The following JAKMIP3 variants were observed in gnomAD, a reference collection of about 807,000 sequenced individuals.
JAKMIP3 encodes the protein janus kinase and microtubule-interacting protein 3.
In JAKMIP3, 58 loss-of-function variants were observed where a neutral mutation model predicts 118.5. The ratio of observed to expected loss-of-function variants is 0.49; its 90% CI spans 0.40 to 0.61. The LOEUF (loss-of-function observed/expected upper bound fraction) is 0.61, where lower values mean the gene tolerates loss of function less well. Ranked by LOEUF, JAKMIP3 falls within the 20% of genes least tolerant of loss-of-function variation. JAKMIP3 has a pLI of 0.00. For missense variants in JAKMIP3, 950 were observed against 1,109.0 expected (o/e 0.86, Z 2.04); for synonymous variants, 486 against 451.2 (o/e 1.08, Z -0.98).
rs182908238 is a variant in JAKMIP3 at position 132,085,673 on chromosome 10, G to A, written c.-137-18999G>A. On this transcript the variant is annotated intron_variant, in intron 1 of 23. Coordinates refer to ENST00000684848, the MANE Select transcript of JAKMIP3 (RefSeq NM_001323087.2). ...ATGCCACCATGCCTGGCTAATTTTT[G>A]TATTTTTAGTAGAGATGGGGTTTCA... Among the ~76,000 whole-genome samples, 219 of 152,022 alleles carry A rather than the reference G, an allele frequency of 1.4e-3. 1 individual carries two copies. Among genetic ancestry groups the A allele is most frequent in the African/African-American group, 4.9e-3 (204 of 41,456 alleles).
chr10:132,044,995 G>T lies in JAKMIP3; in HGVS notation c.-138+8257G>T, dbSNP rs1030883036. Among the ~76,000 whole-genome samples the T allele has an allele frequency of 6.6e-6, 1 of 152,108 alleles. No homozygotes were observed. The highest frequency in any genetic ancestry group is 1.5e-5 in the Non-Finnish European group (1 of 68,024). ...GCGTTTTGCTGACTCATCATCCGCG[G>T]GTGGACACTGGGGGGCTCCATGTTT... On this transcript the variant is annotated intron_variant, in intron 1 of 23. Transcript: ENST00000657785. The surrounding 1 kb of genome is among the most constrained non-coding windows in gnomAD (Gnocchi z 5.3).
rs911813255 is a variant in JAKMIP3, at chr10:132,140,375, AGCGGGAGGAGGCG to A, written c.1345-60_1345-48del. 279 of 1,580,394 alleles carry A rather than the reference AGCGGGAGGAGGCG, an allele frequency of 1.8e-4. 1 individual carries two copies. The Admixed American group carries it at 3.2e-3, about 18-fold the overall frequency. On this transcript the variant is annotated intron_variant, in intron 9 of 23. Transcript: ENST00000684848. ...GGGGCTGCGGCCCCCACCGTTGGGCAGCGGGAGGAGGCGGCGGGAGGAGGCGGCTGTGCCTGGG... is the reference window on the plus strand; with the variant it reads ...GGGGCTGCGGCCCCCACCGTTGGGCAGCGGGAGGAGGCGGCTGTGCCTGGG...
At chr10:132,047,584 A>T (rs1156887731) in intron 1 of JAKMIP3, among the ~76,000 whole-genome samples, 1 of 152,208 alleles carries the variant, frequency 6.6e-6, no homozygotes, top group East Asian at 1.9e-4. Context: ...CACCTGTCCT[A>T]ATCCCACAGG....
intron 13 of JAKMIP3, among the ~76,000 whole-genome samples, chr10:132,147,654 C>T (rs571276511): frequency 3.9e-5 from 6 of 152,344 alleles, no homozygotes; most frequent in Non-Finnish European, 8.8e-5. Flanking sequence ...TTGACGGCCT[C>T]CCTTCCACAT....
At chr10:132,164,973 A>T (rs1418290045) in intron 21 of JAKMIP3, among the ~76,000 whole-genome samples, 1 of 152,188 alleles carries the variant, frequency 6.6e-6, no homozygotes, top group African/African-American at 2.4e-5. Flanking sequence ...GGGTCTAGGA[A>T]TGCCCCTGCC....
At position 132,184,287 on chromosome 10, in the gene JAKMIP3, A is replaced by G. The variant is rs1436828542; in HGVS notation, c.*3034A>G. On this transcript the variant is annotated 3_prime_UTR_variant, in exon 24 of 24. Coordinates refer to ENST00000684848, the MANE Select transcript of JAKMIP3 (RefSeq NM_001323087.2). ...TTGCAGAATCTGTAGCCTTCAGGAT[A>G]CCCCGAGTGCCTTACAGGGCTTGTG... 6.6e-6 allele frequency: 1 copy of G among 152,116 alleles called. No individual in the cohort carries two copies. The highest frequency in any genetic ancestry group is 2.4e-5 in the African/African-American group (1 of 41,418). The allele number at this position is 152,116 out of a possible 1,614,324, so 9.4% of individuals were successfully genotyped here. A position where few individuals can be genotyped will look rare whatever the true frequency, so the allele number is the denominator to read the frequency against.
intron 17 of JAKMIP3, among the ~76,000 whole-genome samples, chr10:132,153,257 G>A (rs925317968): frequency 2.0e-5 from 3 of 152,178 alleles, no homozygotes; most frequent in South Asian, 2.1e-4. Context: ...CCCTGTCTGC[G>A]TTTCCTCCCA....
Position 132,048,662 on chromosome 10 carries a change from C to CTTTTT in JAKMIP3, c.-138+11928_-138+11929insTTTTT, listed in dbSNP as rs1366816957. ...TCAGAAATTCCAGGCTTGACTGTTT[C>CTTTTT]TTTTCTTTTTTTTTTTTTTTGAGAT... On this transcript the variant is annotated intron_variant, in intron 1 of 23. Transcript: ENST00000657785. 7.7e-3 allele frequency among the ~76,000 whole-genome samples: 765 copies of CTTTTT among 99,198 alleles called. 3 individuals are homozygous for CTTTTT. The highest frequency in any genetic ancestry group is 0.019 in the South Asian group (47 of 2,424). 65.1% of individuals were successfully genotyped at this position (99,198 alleles called of 152,430 possible). A position where few individuals can be genotyped will look rare whatever the true frequency, so the allele number is the denominator to read the frequency against.
At chr10:132,077,905 A>G (rs7083540) in intron 1 of JAKMIP3, among the ~76,000 whole-genome samples, 23,705 of 152,062 alleles carry the variant, frequency 0.16, 2,140 homozygotes, top group East Asian at 0.3. Flanking sequence ...TCCACCTCCC[A>G]GGTTCAGGAG....
At chr10:132,166,416 G>T (rs2058907557) in intron 21 of JAKMIP3, among the ~76,000 whole-genome samples, 1 of 151,988 alleles carries the variant, frequency 6.6e-6, no homozygotes, top group Admixed American at 6.5e-5. Flanking sequence ...ATTTTCTCTC[G>T]TGTCCAGATG....
chr10:132,066,241 T>G (rs1483025389), intron 1 of JAKMIP3, among the ~76,000 whole-genome samples, 180 bp downstream of exon 1: 1 of 152,216 alleles, frequency 6.6e-6, no homozygotes, highest in East Asian at 1.9e-4. Flanking sequence ...AGGAAGATGC[T>G]TCATTTATCC....
intron 1 of JAKMIP3, among the ~76,000 whole-genome samples, chr10:132,055,179 C>A (rs1231266605): frequency 3.9e-5 from 6 of 152,192 alleles, no homozygotes; most frequent in Admixed American, 6.5e-5. Context: ...ACAGCAGATT[C>A]TTTCCTCAAC....
Position 132,157,609 on chromosome 10 carries a change from C to T in JAKMIP3, c.2220+3619C>T, listed in dbSNP as rs574228639. 5.9e-5 allele frequency among the ~76,000 whole-genome samples: 9 copies of T among 152,276 alleles called. No homozygotes were observed. The South Asian group carries it at 1.7e-3, about 28-fold the overall frequency. Reference sequence around the variant, plus strand: ...AAACTTCCACTGCATGATATGCAGCCGCCTGGTGCAGTCCTAGCAGGCATG... The same window carrying T: ...AAACTTCCACTGCATGATATGCAGCTGCCTGGTGCAGTCCTAGCAGGCATG... On this transcript the variant is annotated intron_variant, in intron 19 of 23. Coordinates refer to ENST00000684848, the MANE Select transcript of JAKMIP3 (RefSeq NM_001323087.2).
intron 1 of JAKMIP3, among the ~76,000 whole-genome samples, chr10:132,096,469 G>T (rs994720509): frequency 6.6e-6 from 1 of 152,184 alleles, no homozygotes; most frequent in Non-Finnish European, 1.5e-5. Context: ...TTAACACGGG[G>T]TGGTGGTTAC....
In JAKMIP3 at chr10:132,137,894, A is replaced by T. The variant is rs78296268; in HGVS notation, c.1285-225A>T. 5.7e-4 allele frequency among the ~76,000 whole-genome samples: 87 copies of T among 152,288 alleles called. 1 individual carries two copies. The East Asian group carries it at 0.016, about 27-fold the overall frequency. On this transcript the variant is annotated intron_variant, in intron 8 of 23. Transcript: ENST00000684848. ...AGCTGGTAGACCATTGAGCAAGACA[A>T]GCTCAGAGCCCACCTAATTGGGGAG...
intron 1 of JAKMIP3, among the ~76,000 whole-genome samples, chr10:132,077,277 G>A (rs9419180): frequency 0.019 from 2,837 of 152,258 alleles, 84 homozygotes; most frequent in African/African-American, 0.064. Flanking sequence ...GGCTTTGTCC[G>A]AAAGAGGGTT....
chr10:132,152,095 A>G (rs1005578969), intron 16 of JAKMIP3, among the ~76,000 whole-genome samples: 7 of 152,160 alleles, frequency 4.6e-5, no homozygotes, highest in Non-Finnish European at 1.0e-4. Context: ...GGCAGGAGAG[A>G]TGAGGGCACC....
intron 1 of JAKMIP3, among the ~76,000 whole-genome samples, chr10:132,082,852 G>A (rs1167295248): frequency 3.3e-5 from 5 of 152,284 alleles, no homozygotes; most frequent in African/African-American, 9.6e-5. Context: ...CTCGTGATCC[G>A]CCCGCCTTGG....
rs1340902682 is a variant in JAKMIP3 at position 132,180,676 on chromosome 10, CGCGCGCGTGT to C, written c.*1104-1679_*1104-1670del. Among the ~76,000 whole-genome samples, 22 of 4,574 alleles carry C rather than the reference CGCGCGCGTGT, an allele frequency of 4.8e-3. 5 individuals carry two copies. The highest frequency in any genetic ancestry group is 0.016 in the South Asian group (3 of 186). The allele number at this position is 4,574 out of a possible 152,430, so 3.0% of individuals were successfully genotyped here. Reference sequence around the variant, plus strand: ...GCGTGTGCGTGTGTGCGTGTGTGTGCGCGCGCGTGTGTGTGCGTGCGTGTGTGTGTGCGCG... The same window carrying C: ...GCGTGTGCGTGTGTGCGTGTGTGTGCGTGTGCGTGCGTGTGTGTGTGCGCG... On this transcript the variant is annotated intron_variant, in intron 23 of 23. Transcript: ENST00000684848.
Sources: allele counts gnomAD v4.1 joint callset (sites outside exome capture counted in the v4.1 genomes callset), GRCh38; gene constraint gnomAD v4.1.1; non-coding constraint Gnocchi (gnomAD v3.1); transcripts MANE v1.5; gene names NCBI Gene and HGNC (gene_info 2026-07-23, HGNC 2026-07-21).